The following CREB5 variants were observed in gnomAD, a reference collection of about 807,000 sequenced individuals.
The protein encoded by CREB5 is cAMP responsive element binding protein 5, also known as cyclic AMP-responsive element-binding protein 5.
A neutral mutation model predicts 57.1 loss-of-function variants in CREB5; 19 were observed. The observed-to-expected ratio is 0.33, with a 90% CI of 0.23 to 0.49. The LOEUF (loss-of-function observed/expected upper bound fraction) is 0.49, where lower values mean the gene tolerates loss of function less well. CREB5 is among the 20% of genes least tolerant of loss of function. The pLI is 0.99. For missense variants in CREB5, 579 were observed against 671.6 expected, an observed-to-expected ratio of 0.86 and a Z score of 1.52; for synonymous variants, 238 against 238.3, an observed-to-expected ratio of 1.00 and a Z score of 0.01.
At chr7:28,476,570 C>T (rs926695372) in intron 1 of CREB5, among the ~76,000 whole-genome samples, 3 of 152,072 alleles carry the variant, frequency 2.0e-5, no homozygotes, top group African/African-American at 7.2e-5. Flanking sequence ...GCCTAAGATC[C>T]CACAGCTAAT....
intron 5 of CREB5, among the ~76,000 whole-genome samples, chr7:28,680,234 T>C (rs1800519781): frequency 6.6e-6 from 1 of 152,116 alleles, no homozygotes; most frequent in African/African-American, 2.4e-5. Flanking sequence ...AGGAATTTGG[T>C]TGATAATCTC....
chr7:28,374,974 G>A (rs1397605144), intron 1 of CREB5, among the ~76,000 whole-genome samples: 2 of 152,212 alleles, frequency 1.3e-5, no homozygotes, highest in South Asian at 4.1e-4. Flanking sequence ...ACATCTATCA[G>A]TTGGCTCTCT....
At chr7:28,672,019 A>G (rs1358680191) in intron 5 of CREB5, among the ~76,000 whole-genome samples, 1 of 152,202 alleles carries the variant, frequency 6.6e-6, no homozygotes, top group Non-Finnish European at 1.5e-5. Flanking sequence ...ACACCTTAAA[A>G]AGATTAAAAT....
In CREB5 at chr7:28,672,447, GA is replaced by G. The variant is rs371461368; in HGVS notation, c.465-46296del. Among the ~76,000 whole-genome samples, 596 of 147,180 alleles carry G rather than the reference GA, an allele frequency of 4.0e-3. 4 individuals are homozygous for G. Among genetic ancestry groups the G allele is most frequent in the African/African-American group, 0.014 (572 of 40,210 alleles). The stretch of plus-strand genomic sequence containing the variant: ...ATCCAGGATGTTGTACAGAACTGCA[GA>G]AAAAAAAAATGCTCTTTTCATAATG... On this transcript the variant is annotated intron_variant, in intron 5 of 10. Transcript: ENST00000357727.
chr7:28,736,193 G>C (rs1360645958), intron 7 of CREB5, among the ~76,000 whole-genome samples: 1 of 152,088 alleles, frequency 6.6e-6, no homozygotes, highest in Non-Finnish European at 1.5e-5. Context: ...TTTTGAGACA[G>C]AGTTTTGCTC....
At position 28,617,738 on chromosome 7, in the gene CREB5, T is replaced by C. The variant is rs192537854; in HGVS notation, c.464+47201T>C. ...GTTATGAAACAACCTTAAAGAATAA[T>C]AGAGGGGGAAAAAGAGCAGCGCTCT... is the stretch of plus-strand genomic sequence containing the variant. On this transcript the variant is annotated intron_variant, in intron 5 of 10. Transcript: ENST00000357727. Among the ~76,000 whole-genome samples the C allele has an allele frequency of 3.9e-5, 6 of 152,208 alleles. No individual in the cohort carries two copies. In the East Asian group the frequency reaches 1.2e-3, roughly 29 times the overall value.
intron 4 of CREB5, among the ~76,000 whole-genome samples, chr7:28,536,856 C>G (rs535097705): frequency 6.6e-6 from 1 of 152,174 alleles, no homozygotes; most frequent in Non-Finnish European, 1.5e-5. Flanking sequence ...AAGCCCAGGA[C>G]GGTTAAGTTA....
chr7:28,614,740 G>A (rs1797531630), intron 5 of CREB5, among the ~76,000 whole-genome samples: 1 of 152,074 alleles, frequency 6.6e-6, no homozygotes, highest in Non-Finnish European at 1.5e-5. Flanking sequence ...AACATGTTAT[G>A]CAAGCAGAAA....
At chr7:28,455,245 G>A (rs975095770) in intron 1 of CREB5, among the ~76,000 whole-genome samples, 7 of 152,152 alleles carry the variant, frequency 4.6e-5, no homozygotes, top group Non-Finnish European at 1.0e-4. Flanking sequence ...GCCCCGAGCC[G>A]AACTGCAGGA....
chr7:28,787,994 A>C (rs1469819428), intron 7 of CREB5, among the ~76,000 whole-genome samples: 1 of 152,230 alleles, frequency 6.6e-6, no homozygotes, highest in Non-Finnish European at 1.5e-5. Context: ...AGTCAATTTT[A>C]ATACCACATG....
intron 5 of CREB5, among the ~76,000 whole-genome samples, chr7:28,630,562 G>A (rs1235272525): frequency 6.6e-6 from 1 of 152,154 alleles, no homozygotes; most frequent in Non-Finnish European, 1.5e-5. Context: ...TGGGTGTGCA[G>A]CAGCTGAAAA....
chr7:28,658,953 G>A (rs1042956968), intron 5 of CREB5, among the ~76,000 whole-genome samples: 8 of 99,602 alleles, frequency 8.0e-5, no homozygotes, highest in Admixed American at 1.0e-4. Flanking sequence ...GTGTGTGTGT[G>A]TATATATATA....
intron 7 of CREB5, among the ~76,000 whole-genome samples, chr7:28,784,473 C>T (rs1279705595): frequency 6.6e-6 from 1 of 150,386 alleles, no homozygotes; most frequent in Non-Finnish European, 1.5e-5. Flanking sequence ...CTCCCTCCTG[C>T]TCATTTTGCT....
At chr7:28,560,722 A>T (rs1483192613) in intron 4 of CREB5, among the ~76,000 whole-genome samples, 1 of 151,814 alleles carries the variant, frequency 6.6e-6, no homozygotes, top group Non-Finnish European at 1.5e-5. Context: ...GAAAACACAG[A>T]CCTGCTGACC....
intron 1 of CREB5, among the ~76,000 whole-genome samples, chr7:28,384,950 C>T (rs1353448048): frequency 2.0e-5 from 3 of 151,868 alleles, no homozygotes; most frequent in Non-Finnish European, 2.9e-5. Flanking sequence ...TTTAATATTC[C>T]AAATTCACTT....
At chr7:28,575,451 A>G (rs1795868150) in intron 5 of CREB5, among the ~76,000 whole-genome samples, 1 of 152,240 alleles carries the variant, frequency 6.6e-6, no homozygotes, top group African/African-American at 2.4e-5. Context: ...TTGCCCTGTC[A>G]ATGCATATGC....
At chr7:28,430,714 T>C (rs561500427) in intron 1 of CREB5, among the ~76,000 whole-genome samples, 1 of 152,320 alleles carries the variant, frequency 6.6e-6, no homozygotes, top group South Asian at 2.1e-4. Flanking sequence ...GTAACTTAGT[T>C]TGGAAACAAT....
chr7:28,620,908 G>A (rs936124374), intron 5 of CREB5, among the ~76,000 whole-genome samples: 20 of 152,104 alleles, frequency 1.3e-4, no homozygotes, highest in African/African-American at 2.4e-4. Flanking sequence ...TTAACATTTC[G>A]CAAACCCAAT....
At chr7:28,779,344 C>G (rs1806839956) in intron 7 of CREB5, 1 of 152,186 alleles carries the variant, frequency 6.6e-6, no homozygotes, top group Non-Finnish European at 1.5e-5. Context: ...AAGAAAAGGG[C>G]TCACTGGACT....
Sources: gnomAD v4.1 joint callset for allele counts (sites outside exome capture counted in the v4.1 genomes callset) on GRCh38, gnomAD v4.1.1 for gene constraint, MANE v1.5 for transcripts, NCBI Gene and HGNC (gene_info 2026-07-23, HGNC 2026-07-21) for gene names.